Variants in ACTG2 observed in about 807,000 individuals in gnomAD.
ACTG2 encodes actin gamma 2, smooth muscle.
Under a neutral mutation model 37.6 loss-of-function variants are expected in ACTG2, and 16 were observed. That is an observed-to-expected ratio of 0.43 (90% confidence interval 0.29 to 0.65). The LOEUF is 0.65. Ranked by LOEUF, ACTG2 falls within the 30% of genes least tolerant of loss-of-function variation. The probability of loss-of-function intolerance (pLI) is 0.18; values close to 1 mark genes in which losing one functional copy is unlikely to be tolerated. For missense variants in ACTG2, 238 were observed against 490.9 expected (o/e 0.48, Z 4.87); for synonymous variants, 181 against 179.9 (o/e 1.01, Z -0.05).
In ACTG2 at chr2:73,913,051, C is replaced by A. The variant is rs1437578076; in HGVS notation, c.452-434C>A. Among the ~76,000 whole-genome samples the A allele has an allele frequency of 2.0e-5, 3 of 151,710 alleles. No individual in the cohort carries two copies. In the East Asian group the frequency reaches 5.8e-4, roughly 29 times the overall value. ...GGGCGTGGTGGCAGGCACCTGTAAT[C>A]CCAGCTACTCAGGAGGCTGAGGCAG... On this transcript the variant is annotated intron_variant, in intron 5 of 8. Transcript: ENST00000345517.
chr2:73,911,445 T>A (rs1296540917), intron 5 of ACTG2, among the ~76,000 whole-genome samples: 1 of 151,840 alleles, frequency 6.6e-6, no homozygotes, highest in African/African-American at 2.4e-5. Flanking sequence ...TGCAGTGAGC[T>A]GAGATCTCAC....
At chr2:73,898,350 C>T (rs534460120) in intron 1 of ACTG2, among the ~76,000 whole-genome samples, 2 of 30,176 alleles carry the variant, frequency 6.6e-5, no homozygotes, top group Non-Finnish European at 1.7e-4. Flanking sequence ...ACCAAAGCAA[C>T]TTGCACCTTT....
chr2:73,913,302 T>TG (rs1011601180), intron 5 of ACTG2, among the ~76,000 whole-genome samples, 183 bp from the exon 6 acceptor site: 1 of 151,956 alleles, frequency 6.6e-6, no homozygotes, highest in South Asian at 2.1e-4. Context: ...ACAGTCTCAC[T>TG]GGGGGGAAAA....
intron 3 of ACTG2, among the ~76,000 whole-genome samples, chr2:73,906,216 C>T (rs1243682381): frequency 2.0e-5 from 3 of 151,690 alleles, no homozygotes; most frequent in Non-Finnish European, 4.4e-5. Context: ...CTTTGGGAGG[C>T]GGAGGCGGGT....
intron 3 of ACTG2, 172 bp from the exon 4 acceptor site, chr2:73,908,501 G>A (rs7575434): frequency 0.012 from 7,458 of 642,524 alleles, 55 homozygotes; most frequent in Middle Eastern, 0.028. Context: ...CTGTTGAGAA[G>A]GAGTATACCC....
intron 3 of ACTG2, among the ~76,000 whole-genome samples, chr2:73,906,224 G>A (rs1183943420): frequency 6.6e-6 from 1 of 151,728 alleles, no homozygotes; most frequent in Non-Finnish European, 1.5e-5. Context: ...GGCGGAGGCG[G>A]GTGGATCACG....
At chr2:73,904,445 G>A (rs1346428610) in intron 3 of ACTG2, among the ~76,000 whole-genome samples, 1 of 151,822 alleles carries the variant, frequency 6.6e-6, no homozygotes, top group Non-Finnish European at 1.5e-5. Flanking sequence ...GCTGAGGCAG[G>A]TGGATCACTT....
chr2:73,901,369 G>T lies in ACTG2; in HGVS notation c.58G>T (p.Ala20Ser). 6.2e-7 allele frequency: 1 copy of T among 1,614,192 alleles called. No homozygotes were observed. The highest frequency in any genetic ancestry group is 1.3e-5 in the African/African-American group (1 of 75,068). The change falls in exon 2 of 9, where the codon GCA becomes TCA. Residue 20 changes from alanine to serine, a missense_variant. By Grantham distance (99) the Ala-to-Ser change is moderately conservative. Coordinates refer to ENST00000345517, the MANE Select transcript of ACTG2 (RefSeq NM_001615.4). ...VCDNGSGLCK[A>S]GFAGDDAPRA... is the part of the protein sequence containing the mutation. ...TGACAATGGCTCTGGCCTGTGCAAG[G>T]CAGGCTTCGCAGGAGATGATGCCCC...
At chr2:73,908,256 A>T (rs1383942466) in intron 3 of ACTG2, 1 of 470,760 alleles carries the variant, frequency 2.1e-6, no homozygotes, top group Non-Finnish European at 4.4e-6. Context: ...GTCAGGAGAT[A>T]GACCCTGACT....
At chr2:73,906,185 C>G (rs1363715169) in intron 3 of ACTG2, among the ~76,000 whole-genome samples, 1 of 152,002 alleles carries the variant, frequency 6.6e-6, no homozygotes, top group Non-Finnish European at 1.5e-5. Flanking sequence ...GGCGCGGTGG[C>G]TCACGCCTGT....
intron 1 of ACTG2, among the ~76,000 whole-genome samples, chr2:73,900,219 C>G (rs1004428601): frequency 1.4e-4 from 22 of 152,210 alleles, no homozygotes; most frequent in African/African-American, 5.1e-4. Flanking sequence ...GTCTGCCTGC[C>G]CAGCCCCTCA....
Position 73,919,446 on chromosome 2 carries a change from A to G in ACTG2, c.1002A>G (p.Pro334=). The G allele has an allele frequency of 1.9e-6, 3 of 1,613,724 alleles. No individual in the cohort carries two copies. Among genetic ancestry groups the G allele is most frequent in the Non-Finnish European group, 2.5e-6 (3 of 1,180,010 alleles). ...GTTCTTTGCAGATTATTGCTCCCCC[A>G]GAGCGGAAGTACTCAGTCTGGATCG... ...STMKIKIIAP[P]ERKYSVWIGG... Residue 334 remains proline (P), a synonymous_variant, in exon 9 of 9, where the codon CCA becomes CCG. Transcript: ENST00000345517.
At chr2:73,894,989 G>A (rs536490007) in intron 1 of ACTG2, among the ~76,000 whole-genome samples, 8 of 152,300 alleles carry the variant, frequency 5.3e-5, no homozygotes, top group African/African-American at 1.9e-4. Flanking sequence ...GAGCGCTACT[G>A]CAGCATGCGG....
intron 3 of ACTG2, among the ~76,000 whole-genome samples, chr2:73,907,681 T>G (rs922839001): frequency 6.6e-6 from 1 of 152,066 alleles, no homozygotes; most frequent in Non-Finnish European, 1.5e-5. Flanking sequence ...AGGCCCACAG[T>G]GTGTTGCCCA....
chr2:73,902,267 T>C (rs540646205), intron 2 of ACTG2, 93 bp from the exon 3 acceptor site: 15 of 1,473,562 alleles, frequency 1.0e-5, no homozygotes, highest in Admixed American at 3.9e-5. Flanking sequence ...GTTTTTCCCA[T>C]CCTTATCCTT....
At position 73,902,757 on chromosome 2, in the gene ACTG2, T is replaced by C. The variant is rs546437677; in HGVS notation, c.255+269T>C. On this transcript the variant is annotated intron_variant, in intron 3 of 8. Transcript: ENST00000345517. ...TCTACACTGCTGCAAAACTGATCTTTCTAAACACAGGTCAGCTCATGTCAC... is the reference window on the plus strand; with the variant it reads ...TCTACACTGCTGCAAAACTGATCTTCCTAAACACAGGTCAGCTCATGTCAC... 3.2e-6 allele frequency: 5 copies of C among 1,550,500 alleles called. No individual in the cohort carries two copies. In the East Asian group the frequency reaches 7.3e-5, roughly 23 times the overall value.
At chr2:73,911,810 T>C (rs946850665) in intron 5 of ACTG2, among the ~76,000 whole-genome samples, 3 of 152,248 alleles carry the variant, frequency 2.0e-5, no homozygotes, top group Non-Finnish European at 2.9e-5. Flanking sequence ...GGCCTTGGTA[T>C]AGAAGTGTGC....
chr2:73,895,090 T>C (rs1253098817), intron 1 of ACTG2, among the ~76,000 whole-genome samples: 1 of 151,826 alleles, frequency 6.6e-6, no homozygotes, highest in Non-Finnish European at 1.5e-5. Context: ...ACCAGGGCAT[T>C]GGGCATGGGC....
At chr2:73,896,106 G>A (rs1366327880) in intron 1 of ACTG2, among the ~76,000 whole-genome samples, 2 of 152,222 alleles carry the variant, frequency 1.3e-5, no homozygotes, top group Non-Finnish European at 2.9e-5. Flanking sequence ...TGCCAAGGCA[G>A]TAGGACAACT....
Sources: gnomAD v4.1 joint callset for allele counts (sites outside exome capture counted in the v4.1 genomes callset) on GRCh38, gnomAD v4.1.1 for gene constraint, MANE v1.5 for transcripts, NCBI Gene and HGNC (gene_info 2026-07-23, HGNC 2026-07-21) for gene names.